SERPIND1: variants seen among roughly 807,000 people sequenced by gnomAD.
The protein encoded by SERPIND1 is heparin cofactor 2.
Under a neutral mutation model 35.0 loss-of-function variants are expected in SERPIND1, and 34 were observed. The ratio of observed to expected loss-of-function variants is 0.97; its 90% CI spans 0.74 to 1.29. SERPIND1 has a LOEUF of 1.29. Among genes scored for constraint, SERPIND1 ranks in the 50% most tolerant of loss-of-function variants. SERPIND1 has a pLI of 0.00. For missense variants in SERPIND1, 633 were observed against 637.7 expected (o/e 0.99, Z 0.08); for synonymous variants, 236 against 241.1 (o/e 0.98, Z 0.19).
At chr22:20,777,122 G>A (rs988591419) in intron 1 of SERPIND1, among the ~76,000 whole-genome samples, 3 of 151,654 alleles carry the variant, frequency 2.0e-5, no homozygotes, top group Admixed American at 6.6e-5. Flanking sequence ...GCGTGATCAC[G>A]GCTCACTGCA....
intron 4 of SERPIND1, 85 bp downstream of exon 4, chr22:20,786,233 C>G (rs539360786): frequency 2.8e-6 from 4 of 1,445,700 alleles, no homozygotes; most frequent in Admixed American, 3.3e-5. Flanking sequence ...CCTACCCACC[C>G]CCCAATCTCA....
At chr22:20,785,570 A>G (rs1740527558) in intron 3 of SERPIND1, among the ~76,000 whole-genome samples, 1 of 152,222 alleles carries the variant, frequency 6.6e-6, no homozygotes. Context: ...GCAAAGATTG[A>G]GAATATTCAG....
chr22:20,779,161 A>G lies in SERPIND1; in HGVS notation c.-16-136A>G, dbSNP rs2147476601. 1.9e-6 allele frequency: 3 copies of G among 1,543,888 alleles called. No individual in the cohort carries two copies. The South Asian group carries it at 3.5e-5, about 18-fold the overall frequency. ...ACATCAGATTCTCTTAAAGTCCATGATCCTAAAACAGTTAAGAACTAATGC... is the reference window on the plus strand; with the variant it reads ...ACATCAGATTCTCTTAAAGTCCATGGTCCTAAAACAGTTAAGAACTAATGC... On this transcript the variant is annotated intron_variant, in intron 1 of 4. Transcript: ENST00000215727.
At position 20,786,047 on chromosome 22, in the gene SERPIND1, T is replaced by G. The variant is rs900371210; in HGVS notation, c.1207T>G (p.Tyr403Asp). ...GCCGAAATTCAAGCTGGAGAAGAAC[T>G]ACAATCTAGTGGAGTCCCTGAAGTT... ...LLPKFKLEKN[Y>D]NLVESLKLMG... is the part of the protein sequence containing the mutation. Residue 403 changes from tyrosine (Y) to aspartate (D), a missense_variant, in exon 4 of 5, where the codon TAC becomes GAC. Coordinates refer to ENST00000215727, the MANE Select transcript of SERPIND1 (RefSeq NM_000185.4). The G allele has an allele frequency of 6.2e-7, 1 of 1,614,144 alleles. No homozygotes were observed. Among genetic ancestry groups the G allele is most frequent in the South Asian group, 1.1e-5 (1 of 91,072 alleles).
chr22:20,785,963 T>C, intron 3 of SERPIND1, 41 bp from the exon 4 acceptor site: 1 of 1,613,968 alleles, frequency 6.2e-7, no homozygotes, highest in Non-Finnish European at 8.5e-7. Flanking sequence ...TTGTAACTTG[T>C]GGTTCAATAA....
At chr22:20,783,466 A>T (rs533453356) in intron 2 of SERPIND1, among the ~76,000 whole-genome samples, 1 of 151,572 alleles carries the variant, frequency 6.6e-6, no homozygotes, top group African/African-American at 2.4e-5. Flanking sequence ...AGAAAGAAAA[A>T]ATAGCCAGGC....
At chr22:20,775,147 A>T (rs942947248) in intron 1 of SERPIND1, among the ~76,000 whole-genome samples, 1 of 152,192 alleles carries the variant, frequency 6.6e-6, no homozygotes, top group African/African-American at 2.4e-5. Flanking sequence ...TGAAAAGGCC[A>T]ACCCAGCTCT....
At chr22:20,780,775 C>CAACAAAAAAAAAA (rs1933724430) in intron 2 of SERPIND1, among the ~76,000 whole-genome samples, 1 of 67,700 alleles carries the variant, frequency 1.5e-5, no homozygotes, top group African/African-American at 6.6e-5. Context: ...GACTCCATCT[C>CAACAAAAAAAAAA]AAAAAAAAAA....
intron 1 of SERPIND1, among the ~76,000 whole-genome samples, chr22:20,774,715 C>T (rs779211984): frequency 1.4e-5 from 2 of 147,530 alleles, no homozygotes; most frequent in Non-Finnish European, 3.0e-5. Flanking sequence ...GAGCGGAGAT[C>T]GTGCCACTGC....
chr22:20,784,310 A>C, intron 3 of SERPIND1, 65 bp downstream of exon 3: 2 of 1,604,434 alleles, frequency 1.2e-6, no homozygotes, highest in Non-Finnish European at 1.7e-6. Context: ...GGAATACTGG[A>C]AAATGGATCA....
rs199694909 is a variant in SERPIND1, at chr22:20,779,484, G to C, written c.172G>C (p.Asp58His). 2 of 1,614,102 alleles carry C rather than the reference G, an allele frequency of 1.2e-6. No individual in the cohort carries two copies. Among genetic ancestry groups the C allele is most frequent in the South Asian group, 2.2e-5 (2 of 91,084 alleles). The stretch of plus-strand genomic sequence containing the variant: ...CCTGAGCATGCCTCTTCTCCCTGCC[G>C]ACTTCCACAAGGAAAACACCGTCAC... The part of the protein sequence containing the change: ...KNLSMPLLPA[D>H]FHKENTVTND... Residue 58 changes from aspartate (D) to histidine (H), a missense_variant, in exon 2 of 5, where the codon GAC becomes CAC. Physicochemically the swap from Asp to His is moderately conservative, Grantham distance 81. Coordinates refer to ENST00000215727, the MANE Select transcript of SERPIND1 (RefSeq NM_000185.4).
At chr22:20,783,787 G>A (rs896279280) in intron 2 of SERPIND1, among the ~76,000 whole-genome samples, 185 bp from the exon 3 acceptor site, 1 of 152,110 alleles carries the variant, frequency 6.6e-6, no homozygotes, top group African/African-American at 2.4e-5. Flanking sequence ...GTAACCTCTC[G>A]TTAACCTCTC....
At position 20,780,102 on chromosome 22, in the gene SERPIND1, A is replaced by C. The variant is rs770102853; in HGVS notation, c.790A>C (p.Asn264His). ...SDPAFISKTN[N>H]HIMKLTKGLI... ...CCCTGCCTTCATATCAAAAACCAAC[A>C]ACCACATCATGAAGCTCACCAAGGG... The change falls in exon 2 of 5, where the codon AAC (asparagine) becomes CAC (histidine). Residue 264 changes from asparagine (N) to histidine (H), a missense_variant. By Grantham distance (68) the Asn-to-His change is moderately conservative. Coordinates refer to ENST00000215727, the MANE Select transcript of SERPIND1 (RefSeq NM_000185.4). The C allele has an allele frequency of 1.2e-6, 2 of 1,614,166 alleles. No individual in the cohort carries two copies. Among genetic ancestry groups the C allele is most frequent in the East Asian group, 2.2e-5 (1 of 44,876 alleles).
chr22:20,780,208 G>A lies in SERPIND1; in HGVS notation c.889+7G>A, dbSNP rs2147483720. The A allele has an allele frequency of 1.2e-6, 2 of 1,614,174 alleles. No individual in the cohort carries two copies. The highest frequency in any genetic ancestry group is 1.7e-6 in the Non-Finnish European group (2 of 1,180,020). The stretch of plus-strand genomic sequence containing the variant: ...AACTGCATCTACTTCAAAGGTAAGA[G>A]GCACCTTTACAGTTCTCACAGCAAA... On this transcript the variant is annotated splice_region_variant and intron_variant, in intron 2 of 4. Transcript: ENST00000215727.
intron 1 of SERPIND1, among the ~76,000 whole-genome samples, chr22:20,777,469 C>T (rs991999240): frequency 6.6e-6 from 1 of 152,156 alleles, no homozygotes; most frequent in Non-Finnish European, 1.5e-5. Context: ...CCGCCCACCT[C>T]GGCCTCCCAA....
Position 20,779,559 on chromosome 22 carries a change from G to A in SERPIND1, c.247G>A (p.Glu83Lys), listed in dbSNP as rs975924189. 6 of 1,614,178 alleles carry A rather than the reference G, an allele frequency of 3.7e-6. No individual in the cohort carries two copies. Among genetic ancestry groups the A allele is most frequent in the Admixed American group, 3.3e-5 (2 of 60,032 alleles). ...GEEDDDYLDL[E>K]KIFSEDDDYI... ...GGAGGACGACGACTATCTGGACCTG[G>A]AGAAGATATTCAGTGAAGACGACGA... The change falls in exon 2 of 5, where the codon GAG becomes AAG. Residue 83 changes from glutamate to lysine, a missense_variant. Coordinates refer to ENST00000215727, the MANE Select transcript of SERPIND1 (RefSeq NM_000185.4).
chr22:20,781,957 A>G (rs1933834586), intron 2 of SERPIND1, among the ~76,000 whole-genome samples: 1 of 152,254 alleles, frequency 6.6e-6, no homozygotes, highest in African/African-American at 2.4e-5. Context: ...AGAGTGGCAC[A>G]TGACAAGAGC....
chr22:20,784,676 A>G (rs1278625092), intron 3 of SERPIND1, among the ~76,000 whole-genome samples: 1 of 152,226 alleles, frequency 6.6e-6, no homozygotes, highest in Non-Finnish European at 1.5e-5. Context: ...TTCCCTGCCC[A>G]GGAAATTCCA....
intron 2 of SERPIND1, among the ~76,000 whole-genome samples, chr22:20,780,451 C>T (rs1035124608): frequency 3.3e-5 from 5 of 152,324 alleles, no homozygotes; most frequent in African/African-American, 1.2e-4. Flanking sequence ...CCCCATTTTA[C>T]AGAGGAAGCC....
Sources: gnomAD v4.1 joint callset for allele counts (sites outside exome capture counted in the v4.1 genomes callset) on GRCh38, gnomAD v4.1.1 for gene constraint, MANE v1.5 for transcripts, NCBI Gene and HGNC (gene_info 2026-07-23, HGNC 2026-07-21) for gene names.